The following CEP120 variants were observed in gnomAD, a reference collection of about 807,000 sequenced individuals.
CEP120 encodes the protein centrosomal protein 120, also known as centrosomal protein of 120 kDa.
CEP120 carries 113 observed loss-of-function variants against 126.5 expected under a neutral mutation model. The observed-to-expected ratio is 0.89, with a 90% CI of 0.77 to 1.04. The LOEUF (loss-of-function observed/expected upper bound fraction) is 1.04, where lower values mean the gene tolerates loss of function less well. Among genes scored for constraint, CEP120 ranks in the 50% least tolerant of loss-of-function variants. CEP120 has a pLI of 0.00. For missense variants in CEP120, 1,230 were observed against 1,155.7 expected (o/e 1.06, Z -0.93); for synonymous variants, 400 against 394.3 (o/e 1.01, Z -0.17).
In CEP120 at chr5:123,402,143, T is replaced by C. The variant is rs1008525122; in HGVS notation, c.464-2859A>G. On this transcript the variant is annotated intron_variant, in intron 4 of 19. Coordinates refer to ENST00000306467, the MANE Select transcript of CEP120 (RefSeq NM_001375405.1). Reference sequence around the variant, plus strand: ...GGGGGCTCAGCAGGCTCTGGTTGACTGTGACCGCGGTGATGCCTCCCATGC... The same window carrying C: ...GGGGGCTCAGCAGGCTCTGGTTGACCGTGACCGCGGTGATGCCTCCCATGC... 6.3e-6 allele frequency: 10 copies of C among 1,585,526 alleles called. No homozygotes were observed. The African/African-American group carries it at 9.4e-5, about 15-fold the overall frequency.
intron 7 of CEP120, chr5:123,390,827 A>G (rs2127070253): frequency 6.7e-6 from 2 of 297,346 alleles, no homozygotes; most frequent in East Asian, 1.2e-4. Flanking sequence ...GTTCTCTTTC[A>G]CTGGAGTTCC....
At chr5:123,354,222 A>G (rs1580630149) in intron 18 of CEP120, among the ~76,000 whole-genome samples, 1 of 152,034 alleles carries the variant, frequency 6.6e-6, no homozygotes, top group Non-Finnish European at 1.5e-5. Context: ...GACATTTCTT[A>G]TTATCTTTTT....
In CEP120 at chr5:123,405,850, C is replaced by G. The variant is rs941189409; in HGVS notation, c.463+6549G>C. 1.9e-4 allele frequency among the ~76,000 whole-genome samples: 29 copies of G among 151,644 alleles called. 1 individual carries two copies. Among genetic ancestry groups the G allele is most frequent in the Middle Eastern group, 3.2e-3 (1 of 316 alleles). ...AAAAATACAGTTTGAAGAGACTAAA[C>G]AAGCATCAGAACTAAAGTCAGATAT... On this transcript the variant is annotated intron_variant, in intron 4 of 19. Transcript: ENST00000306467.
intron 19 of CEP120, among the ~76,000 whole-genome samples, chr5:123,347,842 G>A (rs1163138708): frequency 6.6e-6 from 1 of 151,936 alleles, no homozygotes. Flanking sequence ...TTTTAGAGAC[G>A]ACATTTCATT....
intron 16 of CEP120, among the ~76,000 whole-genome samples, chr5:123,374,556 T>G (rs17150388): frequency 0.66 from 100,439 of 151,864 alleles, 33,382 homozygotes; most frequent in Middle Eastern, 0.68. Context: ...TCCATCATTA[T>G]ATAAACCAAT....
chr5:123,403,693 C>A, intron 4 of CEP120: 1 of 414,502 alleles, frequency 2.4e-6, no homozygotes, highest in South Asian at 1.8e-5. Flanking sequence ...TTGTGCACCA[C>A]CTGATAAGAT....
At chr5:123,371,259 G>A (rs1770834951) in intron 17 of CEP120, among the ~76,000 whole-genome samples, 1 of 152,046 alleles carries the variant, frequency 6.6e-6, no homozygotes, top group Non-Finnish European at 1.5e-5. Flanking sequence ...AAGGAAAGAG[G>A]TTTAATGGAG....
chr5:123,400,679 A>G (rs1580717020), intron 4 of CEP120, among the ~76,000 whole-genome samples: 2 of 113,836 alleles, frequency 1.8e-5, no homozygotes, highest in African/African-American at 3.3e-5. Context: ...TTTTTTGCAG[A>G]GCTAGCTGAG....
Position 123,423,012 on chromosome 5 carries a change from G to A in CEP120, c.-14C>T, listed in dbSNP as rs537112270. 1.7e-5 allele frequency: 28 copies of A among 1,613,468 alleles called. No homozygotes were observed. The highest frequency in any genetic ancestry group is 2.3e-5 in the Non-Finnish European group (27 of 1,179,622). On this transcript the variant is annotated 5_prime_UTR_variant, in exon 1 of 20. Coordinates refer to ENST00000306467, the MANE Select transcript of CEP120 (RefSeq NM_001375405.1). ...TTTGGAGACCATGGTTGCGGTGAGC[G>A]GTCCGGGGGCGAAGGCGGCTGGGGG...
intron 18 of CEP120, among the ~76,000 whole-genome samples, chr5:123,360,883 CTTATA>C (rs1770028544): frequency 6.6e-6 from 1 of 151,704 alleles, no homozygotes; most frequent in African/African-American, 2.4e-5. Flanking sequence ...ACACTGTTTA[CTTATA>C]TTATTTTTTT....
Position 123,345,411 on chromosome 5 carries a change from T to C in CEP120, c.*1108A>G, listed in dbSNP as rs952166188. 2.0e-5 allele frequency: 3 copies of C among 152,122 alleles called. No individual in the cohort carries two copies. Among genetic ancestry groups the C allele is most frequent in the African/African-American group, 7.2e-5 (3 of 41,448 alleles). The allele number at this position is 152,122 out of a possible 1,614,324, so 9.4% of individuals were successfully genotyped here. A position where few individuals can be genotyped will look rare whatever the true frequency, so the allele number is the denominator to read the frequency against. Reference sequence around the variant, plus strand: ...GTTATTGGTAACTTCCTAAAGTATATACTTAATTTTAACTTTATTATATTT... The same window carrying C: ...GTTATTGGTAACTTCCTAAAGTATACACTTAATTTTAACTTTATTATATTT... On this transcript the variant is annotated 3_prime_UTR_variant, in exon 20 of 20. Coordinates refer to ENST00000306467, the MANE Select transcript of CEP120 (RefSeq NM_001375405.1).
At chr5:123,361,417 G>T (rs1455096441) in intron 18 of CEP120, among the ~76,000 whole-genome samples, 2 of 151,746 alleles carry the variant, frequency 1.3e-5, no homozygotes, top group African/African-American at 4.8e-5. Flanking sequence ...ATTGTGCAAG[G>T]TGCATAGCAG....
chr5:123,378,345 C>T lies in CEP120; in HGVS notation c.2187G>A (p.Val729=), dbSNP rs192078531. The part of the protein sequence containing the change: ...LEKREQQLAS[V]ESELQREKKE... ...TGGACGAATGACATACCTCTGATTC[C>T]ACACTAGCAAGCTGCTGCTCTCGCT... The change falls in exon 15 of 20, where the codon GTG becomes GTA. Residue 729 remains valine (V), a synonymous_variant. Coordinates refer to ENST00000306467, the MANE Select transcript of CEP120 (RefSeq NM_001375405.1). 80 of 1,603,356 alleles carry T rather than the reference C, an allele frequency of 5.0e-5. 1 individual carries two copies. In the Admixed American group the frequency reaches 1.1e-3, roughly 23 times the overall value.
chr5:123,372,130 T>A (rs1203878058), intron 17 of CEP120, among the ~76,000 whole-genome samples: 1 of 151,944 alleles, frequency 6.6e-6, no homozygotes, highest in Admixed American at 6.6e-5. Flanking sequence ...AGAGCTAGAG[T>A]GCAAGTCTGT....
intron 4 of CEP120, among the ~76,000 whole-genome samples, chr5:123,411,266 T>C (rs777349807): frequency 4.6e-5 from 7 of 152,184 alleles, no homozygotes; most frequent in Admixed American, 2.6e-4. Flanking sequence ...TGGAAGGCAG[T>C]GTGGATATTT....
At position 123,346,388 on chromosome 5, in the gene CEP120, T is replaced by C; in HGVS notation, c.*131A>G. ...ATAAGATCAAATAAATACTATACAA[T>C]AACATACAAAATTTTGCTTATAAAA... On this transcript the variant is annotated 3_prime_UTR_variant, in exon 20 of 20. Transcript: ENST00000306467. 1 of 636,532 alleles carries C rather than the reference T, an allele frequency of 1.6e-6. No individual in the cohort carries two copies. The highest frequency in any genetic ancestry group is 2.7e-6 in the Non-Finnish European group (1 of 375,444). The allele number at this position is 636,532 out of a possible 1,614,324, so 39.4% of individuals were successfully genotyped here.
In CEP120 at chr5:123,363,346, A is replaced by G. The variant is rs1209893614; in HGVS notation, c.2580+1150T>C. On this transcript the variant is annotated intron_variant, in intron 18 of 19. Transcript: ENST00000306467. ...CTCTTACTATTAGGCAGTAAATTTT[A>G]TATTTATAGTTGTTTCTTCCTTATT... is the stretch of plus-strand genomic sequence containing the variant. 3.3e-5 allele frequency among the ~76,000 whole-genome samples: 5 copies of G among 151,536 alleles called. No individual in the cohort carries two copies. In the East Asian group the frequency reaches 5.8e-4, roughly 18 times the overall value.
At chr5:123,406,597 A>AC (rs1170409195) in intron 4 of CEP120, among the ~76,000 whole-genome samples, 20 of 151,094 alleles carry the variant, frequency 1.3e-4, no homozygotes, top group Non-Finnish European at 2.5e-4. Context: ...AAAAAAAAAA[A>AC]AAACCACCAC....
chr5:123,364,569 G>C lies in CEP120; in HGVS notation c.2507C>G (p.Ser836Cys). The C allele has an allele frequency of 6.2e-7, 1 of 1,605,340 alleles. No homozygotes were observed. The highest frequency in any genetic ancestry group is 2.2e-5 in the East Asian group (1 of 44,572). ...EKVELERKLE[S>C]ATKSKLHYKQ... ...GTAATGCAGTTTAGACTTAGTTGCAGATTCCAACTTTCTTTCAAGTTCAAC... is the reference window on the plus strand; with the variant it reads ...GTAATGCAGTTTAGACTTAGTTGCACATTCCAACTTTCTTTCAAGTTCAAC... The change falls in exon 18 of 20, where the codon TCT becomes TGT. Residue 836 changes from serine to cysteine, a missense_variant. By Grantham distance (112) the Ser-to-Cys change is moderately radical. Coordinates refer to ENST00000306467, the MANE Select transcript of CEP120 (RefSeq NM_001375405.1).
Sources: allele counts gnomAD v4.1 joint callset (sites outside exome capture counted in the v4.1 genomes callset), GRCh38; gene constraint gnomAD v4.1.1; transcripts MANE v1.5; gene names NCBI Gene and HGNC (gene_info 2026-07-23, HGNC 2026-07-21).